Variants in EML6 observed in about 807,000 individuals in gnomAD.
The protein encoded by EML6 is echinoderm microtubule-associated protein-like 6.
A neutral mutation model predicts 240.1 loss-of-function variants in EML6; 154 were observed. The ratio of observed to expected loss-of-function variants is 0.64; its 90% CI spans 0.56 to 0.73. The LOEUF is 0.73. Ranked by LOEUF, EML6 falls within the 30% of genes least tolerant of loss-of-function variation. The pLI is 0.00. For synonymous variants in EML6, 1,148 were observed against 899.0 expected, an observed-to-expected ratio of 1.28 and a Z score of -4.95; for missense variants, 2,964 against 2,474.6, an observed-to-expected ratio of 1.20 and a Z score of -4.20.
At position 54,892,627 on chromosome 2, in the gene EML6, C is replaced by T; in HGVS notation, c.2713C>T (p.Pro905Ser). 6.4e-7 allele frequency: 1 copy of T among 1,551,510 alleles called. No homozygotes were observed. The highest frequency in any genetic ancestry group is 8.7e-7 in the Non-Finnish European group (1 of 1,146,770). Residue 905 changes from proline (P) to serine (S), a missense_variant, in exon 19 of 42, where the codon CCT (proline) becomes TCT (serine). By Grantham distance (74) the Pro-to-Ser change is moderately conservative. Coordinates refer to ENST00000356458, the MANE Select transcript of EML6 (RefSeq NM_001039753.4). ...GAAGACAGTGAAAGCTCATGATGGG[C>T]CTGTGTTTGCTATGTATGCACTGGA... Reference protein sequence around the residue: ...LLKTVKAHDGPVFAMYALDKG... With the variant: ...LLKTVKAHDGSVFAMYALDKG...
chr2:54,729,667 G>T (rs919339447), intron 2 of EML6, among the ~76,000 whole-genome samples: 2 of 152,196 alleles, frequency 1.3e-5, no homozygotes, highest in Non-Finnish European at 2.9e-5. Context: ...TGGCTTCACT[G>T]CTTTATGGCC....
intron 2 of EML6, among the ~76,000 whole-genome samples, chr2:54,806,773 T>C (rs1483804530): frequency 6.6e-6 from 1 of 152,126 alleles, no homozygotes; most frequent in African/African-American, 2.4e-5. Flanking sequence ...CTTTAGGATT[T>C]ATTAAGTACT....
intron 26 of EML6, among the ~76,000 whole-genome samples, chr2:54,926,645 C>G (rs1674562267): frequency 6.6e-6 from 1 of 152,242 alleles, no homozygotes; most frequent in South Asian, 2.1e-4. Context: ...GCAGAACCTT[C>G]TAGCAACTGT....
At position 54,970,203 on chromosome 2, in the gene EML6, G is replaced by A; in HGVS notation, c.*108G>A. The A allele has an allele frequency of 9.2e-7, 1 of 1,081,924 alleles. No homozygotes were observed. The highest frequency in any genetic ancestry group is 1.4e-6 in the Non-Finnish European group (1 of 721,994). 67.0% of individuals were successfully genotyped at this position (1,081,924 alleles called of 1,614,324 possible). On this transcript the variant is annotated 3_prime_UTR_variant, in exon 42 of 42. Transcript: ENST00000356458. ...CCAGCCGTTGGGAAATGCCTACCAT[G>A]CTGCCCCGGATGCACAAGCTCAAAA...
chr2:54,866,845 A>T lies in EML6; in HGVS notation c.2012A>T (p.Lys671Met). 6.4e-7 allele frequency: 1 copy of T among 1,550,920 alleles called. No homozygotes were observed. Among genetic ancestry groups the T allele is most frequent in the Admixed American group, 2.0e-5 (1 of 50,984 alleles). The change falls in exon 14 of 42, where the codon AAG becomes ATG. Residue 671 changes from lysine to methionine, a missense_variant. Lys to Met is a moderately conservative substitution (Grantham distance 95). Transcript: ENST00000356458. The part of the protein sequence containing the change: ...NHAVPFLKRE[K>M]APEDSLKLQF... ...GCAGTGCCCTTCCTCAAACGAGAAA[A>T]GGCTCCTGAGGACAGCTTGAAACTC...
chr2:54,791,441 A>G (rs1213339511), intron 2 of EML6, among the ~76,000 whole-genome samples: 1 of 152,224 alleles, frequency 6.6e-6, no homozygotes, highest in Non-Finnish European at 1.5e-5. Context: ...ATCCAGCAGT[A>G]CTACCCCTTC....
intron 3 of EML6, among the ~76,000 whole-genome samples, chr2:54,815,449 A>G (rs745858605): frequency 4.6e-5 from 7 of 152,214 alleles, no homozygotes; most frequent in Non-Finnish European, 1.0e-4. Context: ...TCAGGTAGCT[A>G]TGGGAACTGT....
intron 17 of EML6, among the ~76,000 whole-genome samples, chr2:54,886,160 C>CTTTTTTTTTT (rs869107962): frequency 2.4e-5 from 2 of 82,216 alleles, no homozygotes; most frequent in Non-Finnish European, 4.8e-5. Context: ...TTTTAACCTT[C>CTTTTTTTTTT]TTTTTTTTTT....
chr2:54,937,194 C>T (rs1027204880), intron 28 of EML6, among the ~76,000 whole-genome samples: 1 of 151,648 alleles, frequency 6.6e-6, no homozygotes, highest in Non-Finnish European at 1.5e-5. Context: ...AGGAGAATTG[C>T]TTAAACCCGG....
chr2:54,774,785 C>A lies in EML6; in HGVS notation c.198-38447C>A, dbSNP rs1668529125. ...TTTAGAAAATAGTGTATTGCAAAATCTTTATCTTCTACTCTGTGTGGATTG... is the reference window on the plus strand; with the variant it reads ...TTTAGAAAATAGTGTATTGCAAAATATTTATCTTCTACTCTGTGTGGATTG... On this transcript the variant is annotated intron_variant, in intron 2 of 41. Transcript: ENST00000356458. This position sits in a 1 kb window ranked among gnomAD's most constrained non-coding sequence, Gnocchi z 4.1. Among the ~76,000 whole-genome samples the A allele has an allele frequency of 6.6e-6, 1 of 152,168 alleles. No homozygotes were observed.
intron 2 of EML6, among the ~76,000 whole-genome samples, chr2:54,764,700 G>A (rs1006774923): frequency 2.6e-5 from 4 of 152,174 alleles, no homozygotes; most frequent in African/African-American, 9.7e-5. Context: ...TATCTCATCA[G>A]GAGTGACTGG....
intron 2 of EML6, among the ~76,000 whole-genome samples, chr2:54,785,155 C>T (rs1669021350): frequency 6.7e-6 from 1 of 148,852 alleles, no homozygotes; most frequent in Non-Finnish European, 1.5e-5. Context: ...AGATTTCCAC[C>T]CCCCCACACA....
At chr2:54,852,812 G>A (rs905118770) in intron 10 of EML6, among the ~76,000 whole-genome samples, 8 of 152,160 alleles carry the variant, frequency 5.3e-5, no homozygotes, top group African/African-American at 9.7e-5. Context: ...TAGGTAATAT[G>A]CTTAAATGTC....
In EML6 at chr2:54,749,683, A is replaced by G. The variant is rs1684071018; in HGVS notation, c.197+24425A>G. Among the ~76,000 whole-genome samples the G allele has an allele frequency of 2.6e-5, 4 of 152,192 alleles. No homozygotes were observed. In the South Asian group the frequency reaches 8.3e-4, roughly 31 times the overall value. ...AGGTAGATACTATTATTCCCTGTTT[A>G]CTGAAGAAGAAACTGAGGCCTGGAG... On this transcript the variant is annotated intron_variant, in intron 2 of 41. Transcript: ENST00000356458.
At chr2:54,846,763 C>A (rs1184045429) in intron 8 of EML6, among the ~76,000 whole-genome samples, 2 of 151,926 alleles carry the variant, frequency 1.3e-5, no homozygotes, top group African/African-American at 4.8e-5. Flanking sequence ...GGATTATAGG[C>A]ATGAGCCACT....
chr2:54,894,782 G>A, intron 19 of EML6, 133 bp from the exon 20 acceptor site: 1 of 608,072 alleles, frequency 1.6e-6, no homozygotes, highest in Non-Finnish European at 2.9e-6. Flanking sequence ...GTTATCACCA[G>A]AGTTTTCCAT....
At chr2:54,950,615 C>T in intron 29 of EML6, 35 bp from the exon 30 acceptor site, 1 of 1,549,684 alleles carries the variant, frequency 6.5e-7, no homozygotes, top group Non-Finnish European at 8.7e-7. Flanking sequence ...CTTCCTTCCT[C>T]TGAGGGTCAC....
At chr2:54,836,379 G>T (rs1162629805) in intron 7 of EML6, among the ~76,000 whole-genome samples, 1 of 152,210 alleles carries the variant, frequency 6.6e-6, no homozygotes, top group Middle Eastern at 3.2e-3. Flanking sequence ...TCCCGTGGCT[G>T]TAGAATTTTG....
At chr2:54,891,014 C>T (rs774071349) in intron 17 of EML6, 40 bp from the exon 18 acceptor site, 2 of 981,596 alleles carry the variant, frequency 2.0e-6, no homozygotes. Flanking sequence ...TTACTGCTTC[C>T]ATCCAAACTA....
Sources: allele counts gnomAD v4.1 joint callset (sites outside exome capture counted in the v4.1 genomes callset), GRCh38; gene constraint gnomAD v4.1.1; non-coding constraint Gnocchi (gnomAD v3.1); transcripts MANE v1.5; gene names NCBI Gene and HGNC (gene_info 2026-07-23, HGNC 2026-07-21).